ALPK2: variants seen among roughly 807,000 people sequenced by gnomAD.
ALPK2 encodes the protein alpha-protein kinase 2.
In ALPK2, 127 loss-of-function variants were observed where a neutral mutation model predicts 163.1. The ratio of observed to expected loss-of-function variants is 0.78; its 90% CI spans 0.67 to 0.90. ALPK2 has a LOEUF of 0.90. Ranked by LOEUF, ALPK2 falls within the 40% of genes least tolerant of loss-of-function variation. The pLI is 0.00. For synonymous variants in ALPK2, 953 were observed against 959.1 expected, an observed-to-expected ratio of 0.99 and a Z score of 0.12; for missense variants, 2,360 against 2,589.6, an observed-to-expected ratio of 0.91 and a Z score of 1.92.
chr18:58,527,721 C>T (rs923711887), intron 6 of ALPK2, among the ~76,000 whole-genome samples: 1 of 152,134 alleles, frequency 6.6e-6, no homozygotes, highest in Non-Finnish European at 1.5e-5. Flanking sequence ...CAAACCATTT[C>T]TTTTCCTTTA....
chr18:58,602,187 G>A (rs2052073993), intron 3 of ALPK2, among the ~76,000 whole-genome samples: 1 of 152,184 alleles, frequency 6.6e-6, no homozygotes, highest in Non-Finnish European at 1.5e-5. Flanking sequence ...TGGGTAGTCT[G>A]GATGAACTCA....
intron 3 of ALPK2, among the ~76,000 whole-genome samples, chr18:58,606,858 G>A (rs1007843794): frequency 2.6e-5 from 4 of 152,156 alleles, no homozygotes; most frequent in African/African-American, 9.7e-5. Context: ...TCACTGTACA[G>A]GACCATACTA....
chr18:58,486,184 T>A (rs1442339083), intron 12 of ALPK2, among the ~76,000 whole-genome samples: 1 of 152,290 alleles, frequency 6.6e-6, no homozygotes, highest in East Asian at 1.9e-4. Context: ...CCACTTAACC[T>A]CTTTCTTTAG....
chr18:58,578,370 C>T (rs968489715), intron 4 of ALPK2: 1 of 155,872 alleles, frequency 6.4e-6, no homozygotes, highest in Non-Finnish European at 1.4e-5. Context: ...CTATCATTTT[C>T]AAAGCACTTC....
chr18:58,607,538 C>T, intron 2 of ALPK2, 99 bp from the exon 3 acceptor site: 1 of 705,078 alleles, frequency 1.4e-6, no homozygotes, highest in Middle Eastern at 2.5e-4. Context: ...CAGTAAGCAA[C>T]AGGGATGAGG....
chr18:58,483,148 T>A (rs1227378488), intron 12 of ALPK2, among the ~76,000 whole-genome samples: 1 of 152,178 alleles, frequency 6.6e-6, no homozygotes, highest in Non-Finnish European at 1.5e-5. Context: ...TCACCGCAGA[T>A]GAGCTCCTTT....
intron 4 of ALPK2, among the ~76,000 whole-genome samples, chr18:58,571,418 C>T (rs1422059049): frequency 2.2e-5 from 3 of 137,010 alleles, no homozygotes; most frequent in Admixed American, 7.6e-5. Context: ...AAAAATTGAA[C>T]ATCCACAGGA....
In ALPK2 at chr18:58,508,744, C is replaced by A. The variant is rs149051587; in HGVS notation, c.6030-4596G>T. Among the ~76,000 whole-genome samples, 137 of 152,318 alleles carry A rather than the reference C, an allele frequency of 9.0e-4. 1 individual carries two copies. The highest frequency in any genetic ancestry group is 3.2e-3 in the African/African-American group (131 of 41,578). ...TCTATGGAGTAGCCATTCTTTTATT[C>A]TTCTACTTTCTTAATAAACAGGCTT... On this transcript the variant is annotated intron_variant, in intron 10 of 12. Coordinates refer to ENST00000361673, the MANE Select transcript of ALPK2 (RefSeq NM_052947.4).
At chr18:58,576,103 G>T (rs11874560) in intron 4 of ALPK2, among the ~76,000 whole-genome samples, 1 of 152,186 alleles carries the variant, frequency 6.6e-6, no homozygotes, top group Admixed American at 6.5e-5. Flanking sequence ...ACCGAGCGTG[G>T]TGGCTCATGC....
intron 4 of ALPK2, among the ~76,000 whole-genome samples, chr18:58,574,022 A>G (rs7232632): frequency 0.53 from 80,936 of 151,874 alleles, 21,717 homozygotes; most frequent in East Asian, 0.69. Context: ...AAGGCAGAAA[A>G]TCCTGAGTGC....
chr18:58,566,544 C>T (rs2051854273), intron 4 of ALPK2: 1 of 152,232 alleles, frequency 6.6e-6, no homozygotes, highest in South Asian at 2.1e-4. Context: ...GCTCCAACAG[C>T]AGGCAGTAGA....
chr18:58,611,804 A>C lies in ALPK2; in HGVS notation c.-7T>G, dbSNP rs773122883. On this transcript the variant is annotated 5_prime_UTR_variant, in exon 2 of 13. An upstream start codon of the reference 5' UTR is lost. Coordinates refer to ENST00000361673, the MANE Select transcript of ALPK2 (RefSeq NM_052947.4). ...GCCCTTCGGAGTCTTTCATCCTTTCATGCCGCACCAAATCTGAAAAAAAAA... is the reference window on the plus strand; with the variant it reads ...GCCCTTCGGAGTCTTTCATCCTTTCCTGCCGCACCAAATCTGAAAAAAAAA... 7 of 1,524,082 alleles carry C rather than the reference A, an allele frequency of 4.6e-6. No individual in the cohort carries two copies. Among genetic ancestry groups the C allele is most frequent in the Non-Finnish European group, 6.2e-6 (7 of 1,124,248 alleles). 94.4% of individuals were successfully genotyped at this position (1,524,082 alleles called of 1,614,324 possible). A position where few individuals can be genotyped will look rare whatever the true frequency, so the allele number is the denominator to read the frequency against.
chr18:58,553,838 G>GTT (rs146212342), intron 4 of ALPK2, among the ~76,000 whole-genome samples: 99 of 118,434 alleles, frequency 8.4e-4, no homozygotes, highest in African/African-American at 3.0e-3. Context: ...AGCAGTTGGG[G>GTT]TTTTTTTTTT....
intron 12 of ALPK2, among the ~76,000 whole-genome samples, chr18:58,484,415 G>C (rs1411596121): frequency 2.0e-5 from 3 of 152,168 alleles, no homozygotes; most frequent in Non-Finnish European, 2.9e-5. Context: ...ACGATGCAGG[G>C]GAAGCATTGC....
At chr18:58,484,752 TATAATA>T (rs112129757) in intron 12 of ALPK2, among the ~76,000 whole-genome samples, 3 of 149,696 alleles carry the variant, frequency 2.0e-5, no homozygotes, top group African/African-American at 4.9e-5. Context: ...CAAAAAATAA[TATAATA>T]ATAATAATAA....
intron 1 of ALPK2, among the ~76,000 whole-genome samples, chr18:58,613,500 C>T (rs2052146172): frequency 6.6e-6 from 1 of 151,972 alleles, no homozygotes; most frequent in African/African-American, 2.4e-5. Flanking sequence ...CAAGACCATC[C>T]TGGCCAACAT....
intron 12 of ALPK2, among the ~76,000 whole-genome samples, chr18:58,489,631 G>A (rs558019001): frequency 6.6e-6 from 1 of 151,858 alleles, no homozygotes; most frequent in African/African-American, 2.4e-5. Context: ...AGGCAGCAGT[G>A]AGCCATGATC....
chr18:58,598,308 C>T (rs530757891), intron 3 of ALPK2, among the ~76,000 whole-genome samples: 1 of 152,252 alleles, frequency 6.6e-6, no homozygotes, highest in African/African-American at 2.4e-5. Flanking sequence ...GAGACTGGCT[C>T]AGCATTGTGG....
At chr18:58,494,666 G>A (rs1264637446) in intron 12 of ALPK2, among the ~76,000 whole-genome samples, 2 of 151,940 alleles carry the variant, frequency 1.3e-5, no homozygotes, top group Non-Finnish European at 2.9e-5. Context: ...TAGAACTTGC[G>A]ACTCTCCCTT....
Sources: gnomAD v4.1 joint callset for allele counts (sites outside exome capture counted in the v4.1 genomes callset) on GRCh38, gnomAD v4.1.1 for gene constraint, MANE v1.5 for transcripts, NCBI Gene and HGNC (gene_info 2026-07-23, HGNC 2026-07-21) for gene names.